The following SMARCC1 variants were observed in gnomAD, a reference collection of about 807,000 sequenced individuals.
SMARCC1 encodes SWI/SNF complex subunit SMARCC1.
Under a neutral mutation model 147.4 loss-of-function variants are expected in SMARCC1, and 43 were observed. The ratio of observed to expected loss-of-function variants is 0.29; its 90% CI spans 0.23 to 0.38. The LOEUF (loss-of-function observed/expected upper bound fraction) is 0.38. Ranked by LOEUF, SMARCC1 falls within the 10% of genes least tolerant of loss-of-function variation. The pLI is 1.00. For missense variants in SMARCC1, 1,119 were observed against 1,381.1 expected, an observed-to-expected ratio of 0.81 and a Z score of 3.01; for synonymous variants, 495 against 484.4, an observed-to-expected ratio of 1.02 and a Z score of -0.29.
At chr3:47,743,431 A>G (rs2034531523) in intron 3 of SMARCC1, among the ~76,000 whole-genome samples, 1 of 152,096 alleles carries the variant, frequency 6.6e-6, no homozygotes, top group South Asian at 2.1e-4. Context: ...TGTATTACAT[A>G]TATCTTCCTT....
chr3:47,611,717 G>A (rs1184680440), intron 25 of SMARCC1, among the ~76,000 whole-genome samples: 3 of 152,226 alleles, frequency 2.0e-5, no homozygotes, highest in African/African-American at 4.8e-5. Flanking sequence ...GCCTTTGGCA[G>A]AGGGCCGACT....
chr3:47,682,982 C>A (rs1423985405), intron 14 of SMARCC1, among the ~76,000 whole-genome samples: 1 of 152,220 alleles, frequency 6.6e-6, no homozygotes, highest in African/African-American at 2.4e-5. Flanking sequence ...AAGATATGCA[C>A]TTATTCTGTT....
At chr3:47,637,711 C>CAA (rs57257628) in intron 22 of SMARCC1, among the ~76,000 whole-genome samples, 334 of 143,652 alleles carry the variant, frequency 2.3e-3, no homozygotes, top group Non-Finnish European at 2.8e-3. Context: ...GACTCTGTCT[C>CAA]AAAAAAAAAA....
At position 47,628,557 on chromosome 3, in the gene SMARCC1, G is replaced by A. The variant is rs549859613; in HGVS notation, c.2647-6216C>T. Among the ~76,000 whole-genome samples the A allele has an allele frequency of 3.3e-5, 5 of 152,258 alleles. No individual in the cohort carries two copies. The South Asian group carries it at 1.0e-3, about 32-fold the overall frequency. The stretch of plus-strand genomic sequence containing the variant: ...ACTATGTAGGCAAGAAAACATAGGT[G>A]TGGCTTTTGTCTAACGGGAATTACT... On this transcript the variant is annotated intron_variant, in intron 24 of 27. Coordinates refer to ENST00000254480, the MANE Select transcript of SMARCC1 (RefSeq NM_003074.4).
intron 7 of SMARCC1, among the ~76,000 whole-genome samples, chr3:47,717,348 G>A (rs2034167911): frequency 6.6e-6 from 1 of 152,002 alleles, no homozygotes; most frequent in African/African-American, 2.4e-5. Flanking sequence ...TCCATACTGT[G>A]GTAAACGAAA....
chr3:47,663,651 T>C, intron 19 of SMARCC1: 2 of 1,512,792 alleles, frequency 1.3e-6, no homozygotes, highest in Non-Finnish European at 1.8e-6. Context: ...GAGGTCCCCT[T>C]TGAACCATCG....
chr3:47,768,305 C>T (rs1383478414), intron 2 of SMARCC1, among the ~76,000 whole-genome samples: 1 of 152,072 alleles, frequency 6.6e-6, no homozygotes, highest in Non-Finnish European at 1.5e-5. Flanking sequence ...TGTTGAACAC[C>T]ATTTTGAGAG....
chr3:47,695,177 TG>T (rs1193048819), intron 11 of SMARCC1, among the ~76,000 whole-genome samples: 1 of 152,160 alleles, frequency 6.6e-6, no homozygotes, highest in Admixed American at 6.5e-5. Flanking sequence ...ACAGGATTAA[TG>T]CCCTTATAAC....
chr3:47,655,043 A>C (rs560850197), intron 21 of SMARCC1, among the ~76,000 whole-genome samples: 1 of 152,348 alleles, frequency 6.6e-6, no homozygotes, highest in African/African-American at 2.4e-5. Context: ...TAATTCAAAC[A>C]AAGTAGAGAG....
chr3:47,653,059 C>T (rs898561856), intron 21 of SMARCC1, among the ~76,000 whole-genome samples: 9 of 151,780 alleles, frequency 5.9e-5, no homozygotes, highest in Non-Finnish European at 1.2e-4. Flanking sequence ...CGGGTTCACG[C>T]CATTCTCCTG....
At chr3:47,766,959 C>T (rs1219605403) in intron 2 of SMARCC1, among the ~76,000 whole-genome samples, 2 of 151,768 alleles carry the variant, frequency 1.3e-5, no homozygotes, top group African/African-American at 2.4e-5. Flanking sequence ...CCGAGGCATG[C>T]GGATCACGAG....
intron 3 of SMARCC1, among the ~76,000 whole-genome samples, chr3:47,739,673 C>G (rs771673942): frequency 6.6e-6 from 1 of 152,062 alleles, no homozygotes; most frequent in Non-Finnish European, 1.5e-5. Context: ...TACTACCTAG[C>G]ATTAGGCAGT....
Position 47,699,106 on chromosome 3 carries a change from CATTTG to C in SMARCC1, c.1165+2167_1165+2171del, listed in dbSNP as rs2033887742. Reference sequence around the variant, plus strand: ...TTCTACAAGAAAACACAGAAAAACACATTTGCAACACTAATATAGGCAAAAAATTT... The same window carrying C: ...TTCTACAAGAAAACACAGAAAAACACCAACACTAATATAGGCAAAAAATTT... On this transcript the variant is annotated intron_variant, in intron 11 of 27. Coordinates refer to ENST00000254480, the MANE Select transcript of SMARCC1 (RefSeq NM_003074.4). 3.3e-5 allele frequency among the ~76,000 whole-genome samples: 5 copies of C among 152,016 alleles called. No individual in the cohort carries two copies. In the South Asian group the frequency reaches 1.0e-3, roughly 31 times the overall value.
intron 21 of SMARCC1, among the ~76,000 whole-genome samples, chr3:47,655,983 C>T (rs369829217): frequency 2.8e-4 from 42 of 151,824 alleles, no homozygotes; most frequent in African/African-American, 9.7e-4. Flanking sequence ...GAGGCCGAGA[C>T]GGGCGGATCA....
At chr3:47,765,852 C>A (rs1322809565) in intron 2 of SMARCC1, among the ~76,000 whole-genome samples, 1 of 152,030 alleles carries the variant, frequency 6.6e-6, no homozygotes, top group Non-Finnish European at 1.5e-5. Context: ...CCTGCCTCAG[C>A]CTCCCGAGCA....
Position 47,585,696 on chromosome 3 carries a change from C to G in SMARCC1, c.*2513G>C, listed in dbSNP as rs1006346290. The G allele has an allele frequency of 7.2e-5, 11 of 152,170 alleles. No homozygotes were observed. The highest frequency in any genetic ancestry group is 1.5e-4 in the Non-Finnish European group (10 of 68,046). The allele number at this position is 152,170 out of a possible 1,614,324, so 9.4% of individuals were successfully genotyped here. ...AACTTCCACTCATTTTCACTTTGAC[C>G]ATGCAAATGAACAGTGGGTGAGGTA... is the stretch of plus-strand genomic sequence containing the variant. On this transcript the variant is annotated 3_prime_UTR_variant, in exon 28 of 28. Transcript: ENST00000254480.
intron 3 of SMARCC1, among the ~76,000 whole-genome samples, chr3:47,740,185 T>A (rs1394856485): frequency 8.5e-6 from 1 of 117,150 alleles, no homozygotes; most frequent in African/African-American, 3.8e-5. Context: ...CATCTTTTTT[T>A]TTTTTTTTTT....
At chr3:47,668,777 C>T (rs1395697128) in intron 19 of SMARCC1, among the ~76,000 whole-genome samples, 1 of 151,558 alleles carries the variant, frequency 6.6e-6, no homozygotes. Flanking sequence ...CCCAGCTACT[C>T]GAGAGGCTGA....
chr3:47,750,226 G>A (rs892193023), intron 2 of SMARCC1, among the ~76,000 whole-genome samples: 1 of 152,126 alleles, frequency 6.6e-6, no homozygotes, highest in Non-Finnish European at 1.5e-5. Context: ...ACAAGGTCAA[G>A]AGATCCAAGA....
Sources: allele counts gnomAD v4.1 joint callset (sites outside exome capture counted in the v4.1 genomes callset), GRCh38; gene constraint gnomAD v4.1.1; transcripts MANE v1.5; gene names NCBI Gene and HGNC (gene_info 2026-07-23, HGNC 2026-07-21).